Variants in SAMD8 observed in about 807,000 individuals in gnomAD.
SAMD8 encodes sphingomyelin synthase-related protein 1.
A neutral mutation model predicts 42.0 loss-of-function variants in SAMD8; 20 were observed. The observed-to-expected ratio is 0.48, with a 90% confidence interval of 0.34 to 0.69. SAMD8 has a LOEUF of 0.69. Ranked by LOEUF, SAMD8 falls within the 30% of genes least tolerant of loss-of-function variation. SAMD8 has a pLI of 0.01. For missense variants in SAMD8, 328 were observed against 511.6 expected (o/e 0.64, Z 3.46); for synonymous variants, 162 against 173.0 (o/e 0.94, Z 0.50).
Position 75,176,250 on chromosome 10 carries a change from G to C in SAMD8, c.943+34G>C. ...CTTTTTAGTGCTTCTATGCGTATTAGGTAACTAGCTGCAGTGAAGGCTGTG... is the reference window on the plus strand; with the variant it reads ...CTTTTTAGTGCTTCTATGCGTATTACGTAACTAGCTGCAGTGAAGGCTGTG... On this transcript the variant is annotated intron_variant, in intron 5 of 5. Transcript: ENST00000542569. This position sits in a 1 kb window ranked among gnomAD's most constrained non-coding sequence, Gnocchi z 4.3. 4 of 1,614,048 alleles carry C rather than the reference G, an allele frequency of 2.5e-6. No homozygotes were observed. The highest frequency in any genetic ancestry group is 3.4e-6 in the Non-Finnish European group (4 of 1,179,968).
intron 1 of SAMD8, among the ~76,000 whole-genome samples, chr10:75,114,790 C>G (rs904128105): frequency 6.6e-6 from 1 of 152,074 alleles, no homozygotes; most frequent in Non-Finnish European, 1.5e-5. Context: ...AGATTCTACC[C>G]CCTTCATTTT....
chr10:75,140,846 T>C (rs1030799882), intron 1 of SAMD8, among the ~76,000 whole-genome samples: 4 of 152,196 alleles, frequency 2.6e-5, no homozygotes, highest in African/African-American at 9.6e-5. Context: ...TGGGGAAAAT[T>C]GTCCTCTTAA....
intron 1 of SAMD8, among the ~76,000 whole-genome samples, chr10:75,100,092 C>T (rs188080866): frequency 5.2e-4 from 79 of 152,180 alleles, no homozygotes; most frequent in African/African-American, 1.4e-3. Context: ...CTCAGGCCTG[C>T]GGAGCTTGGC....
At chr10:75,131,249 A>G (rs1034135366) in intron 1 of SAMD8, among the ~76,000 whole-genome samples, 1 of 152,194 alleles carries the variant, frequency 6.6e-6, no homozygotes, top group South Asian at 2.1e-4. Flanking sequence ...GTGACCATCC[A>G]TTCTAATTCT....
rs186853441 is a variant in SAMD8 at position 75,141,563 on chromosome 10, A to T, written c.-15-8951A>T. Reference sequence around the variant, plus strand: ...CTTTTTTTTTTTTTTTTTCCTCGAGATGGAGTCTCACTCTGTCTCCCAGGC... The same window carrying T: ...CTTTTTTTTTTTTTTTTTCCTCGAGTTGGAGTCTCACTCTGTCTCCCAGGC... On this transcript the variant is annotated intron_variant, in intron 1 of 5. Coordinates refer to ENST00000542569, the MANE Select transcript of SAMD8 (RefSeq NM_001174156.2). Among the ~76,000 whole-genome samples the T allele has an allele frequency of 1.3e-4, 18 of 138,324 alleles. 1 individual carries two copies. In the East Asian group the frequency reaches 2.5e-3, roughly 19 times the overall value. 90.7% of individuals were successfully genotyped at this position (138,324 alleles called of 152,430 possible). A position where few individuals can be genotyped will look rare whatever the true frequency, so the allele number is the denominator to read the frequency against.
intron 1 of SAMD8, among the ~76,000 whole-genome samples, chr10:75,136,984 G>A (rs1839902780): frequency 6.6e-6 from 1 of 152,192 alleles, no homozygotes; most frequent in South Asian, 2.1e-4. Flanking sequence ...TAGTAGGAAT[G>A]TAAAATGGTT....
chr10:75,102,964 T>A (rs1341203758), intron 1 of SAMD8, among the ~76,000 whole-genome samples: 1 of 151,864 alleles, frequency 6.6e-6, no homozygotes, highest in Non-Finnish European at 1.5e-5. Context: ...AAAAAAAACA[T>A]TAGCTGGTTG....
upstream of SAMD8, chr10:75,108,372 AGCCCC>A: frequency 1.5e-6 from 2 of 1,323,020 alleles, no homozygotes; most frequent in Non-Finnish European, 2.0e-6. Context: ...CTATACCCAG[AGCCCC>A]GCACTTTCTG....
At chr10:75,124,381 G>A (rs1395700632) in intron 1 of SAMD8, among the ~76,000 whole-genome samples, 1 of 152,156 alleles carries the variant, frequency 6.6e-6, no homozygotes, top group Non-Finnish European at 1.5e-5. Context: ...GGGAGGCCAA[G>A]ACGGGCAGAT....
At chr10:75,113,693 G>T (rs1848819914) in intron 1 of SAMD8, among the ~76,000 whole-genome samples, 1 of 152,168 alleles carries the variant, frequency 6.6e-6, no homozygotes, top group African/African-American at 2.4e-5. Flanking sequence ...AAGGATATGT[G>T]AATTCTTAGC....
chr10:75,115,169 G>A (rs562265687), intron 1 of SAMD8, among the ~76,000 whole-genome samples: 1 of 152,266 alleles, frequency 6.6e-6, no homozygotes, highest in South Asian at 2.1e-4. Flanking sequence ...GCAAAATGCC[G>A]TATCTTTAAT....
intron 1 of SAMD8, among the ~76,000 whole-genome samples, chr10:75,104,484 G>T (rs1848372311): frequency 6.6e-6 from 1 of 152,160 alleles, no homozygotes; most frequent in Non-Finnish European, 1.5e-5. Flanking sequence ...TGATGGGAAA[G>T]ATGCTGAGGT....
intron 4 of SAMD8, among the ~76,000 whole-genome samples, chr10:75,175,618 G>T (rs773542947): frequency 6.6e-6 from 1 of 151,706 alleles, no homozygotes; most frequent in Non-Finnish European, 1.5e-5. Flanking sequence ...GCGCGATCTC[G>T]GCTCCCTGCA....
At chr10:75,149,989 C>G (rs936893921) in intron 1 of SAMD8, among the ~76,000 whole-genome samples, 2 of 151,894 alleles carry the variant, frequency 1.3e-5, no homozygotes, top group African/African-American at 4.8e-5. Context: ...TTCTTTTACT[C>G]TAGAAACCAA....
At chr10:75,135,061 T>C (rs1849359016) in intron 1 of SAMD8, among the ~76,000 whole-genome samples, 1 of 151,916 alleles carries the variant, frequency 6.6e-6, no homozygotes, top group Admixed American at 6.6e-5. Flanking sequence ...ACCCTGTCTC[T>C]AGAAAAAAAC....
intron 1 of SAMD8, among the ~76,000 whole-genome samples, chr10:75,146,206 G>A (rs1840127066): frequency 1.3e-5 from 2 of 151,848 alleles, no homozygotes; most frequent in Admixed American, 1.3e-4. Context: ...GTAACCTGGG[G>A]CAGTAGGGTT....
chr10:75,131,903 A>T (rs1411636063), intron 1 of SAMD8, among the ~76,000 whole-genome samples: 1 of 152,156 alleles, frequency 6.6e-6, no homozygotes, highest in Admixed American at 6.5e-5. Flanking sequence ...GGAGCTTTTT[A>T]AAAAATGCAG....
chr10:75,166,706 G>A (rs958475163), intron 3 of SAMD8, among the ~76,000 whole-genome samples: 1 of 152,200 alleles, frequency 6.6e-6, no homozygotes, highest in Non-Finnish European at 1.5e-5. Context: ...TTTAAAACAT[G>A]TGTATCATTG....
chr10:75,099,967 G>A (rs918869253), intron 1 of SAMD8, among the ~76,000 whole-genome samples: 1 of 152,138 alleles, frequency 6.6e-6, no homozygotes, highest in Non-Finnish European at 1.5e-5. Flanking sequence ...GGTGGAGTTG[G>A]GGAAGCCCCC....
Sources: gnomAD v4.1 joint callset for allele counts (sites outside exome capture counted in the v4.1 genomes callset) on GRCh38, gnomAD v4.1.1 for gene constraint, Gnocchi (gnomAD v3.1) non-coding constraint, MANE v1.5 for transcripts, NCBI Gene and HGNC (gene_info 2026-07-23, HGNC 2026-07-21) for gene names.